Variants in SOX6 observed in about 807,000 individuals in gnomAD.
The protein encoded by SOX6 is transcription factor SOX-6.
Under a neutral mutation model 97.8 loss-of-function variants are expected in SOX6, and 11 were observed. The observed-to-expected ratio is 0.11, with a 90% CI of 0.07 to 0.19. The LOEUF (loss-of-function observed/expected upper bound fraction) is 0.19, where lower values mean the gene tolerates loss of function less well. Ranked by LOEUF, SOX6 falls within the 10% of genes least tolerant of loss-of-function variation. The pLI is 1.00. For synonymous variants in SOX6, 360 were observed against 371.4 expected (o/e 0.97, Z 0.35); for missense variants, 810 against 1,039.5 (o/e 0.78, Z 3.04).
intron 3 of SOX6, among the ~76,000 whole-genome samples, chr11:16,649,934 A>T (rs948411558): frequency 2.6e-5 from 4 of 152,146 alleles, no homozygotes; most frequent in African/African-American, 9.7e-5. Context: ...GTAAAGGGGT[A>T]AAAAAGGATA....
chr11:16,329,601 C>T (rs531473192), intron 2 of SOX6, among the ~76,000 whole-genome samples: 4 of 152,264 alleles, frequency 2.6e-5, no homozygotes, highest in Admixed American at 2.6e-4. Context: ...TTCTTTTCAC[C>T]TTAATTTCCT....
intron 4 of SOX6, among the ~76,000 whole-genome samples, chr11:16,521,473 C>A (rs144120790): frequency 0.034 from 5,122 of 152,162 alleles, 274 homozygotes; most frequent in African/African-American, 0.12. Flanking sequence ...CACCAAAAAC[C>A]CATCTGTACA....
intron 4 of SOX6, among the ~76,000 whole-genome samples, chr11:16,193,777 C>A (rs1179608669): frequency 6.6e-6 from 1 of 152,174 alleles, no homozygotes; most frequent in East Asian, 1.9e-4. Flanking sequence ...TCTTAAGAAT[C>A]AATTCCCTGG....
intron 12 of SOX6, among the ~76,000 whole-genome samples, chr11:16,035,379 T>A (rs1168465156): frequency 6.6e-6 from 1 of 152,192 alleles, no homozygotes; most frequent in Admixed American, 6.5e-5. Flanking sequence ...TAATAAAAAT[T>A]CCACTTCTTA....
intron 3 of SOX6, among the ~76,000 whole-genome samples, chr11:16,308,599 T>C (rs1855508483): frequency 6.6e-6 from 1 of 152,148 alleles, no homozygotes; most frequent in South Asian, 2.1e-4. Context: ...TATTTCAATA[T>C]AAATGGTTGG....
At chr11:16,707,965 T>C (rs1188974801) in intron 3 of SOX6, among the ~76,000 whole-genome samples, 3 of 152,150 alleles carry the variant, frequency 2.0e-5, no homozygotes, top group Non-Finnish European at 4.4e-5. Context: ...AGTCTCTGTC[T>C]ATAATATTCA....
intron 1 of SOX6, among the ~76,000 whole-genome samples, chr11:16,390,495 A>G (rs192736389): frequency 6.6e-6 from 1 of 152,326 alleles, no homozygotes; most frequent in East Asian, 1.9e-4. Context: ...CTACTCTCTG[A>G]TAATAAAGAT....
intron 7 of SOX6, among the ~76,000 whole-genome samples, chr11:16,110,796 T>G (rs1244213934): frequency 6.6e-6 from 1 of 152,216 alleles, no homozygotes; most frequent in Non-Finnish European, 1.5e-5. Flanking sequence ...TTTAATAAGC[T>G]TTCTTCTCCA....
chr11:16,394,621 A>C (rs901436104), intron 1 of SOX6, among the ~76,000 whole-genome samples: 3 of 151,894 alleles, frequency 2.0e-5, no homozygotes, highest in Non-Finnish European at 2.9e-5. Flanking sequence ...AGAAAAACAA[A>C]AGCGTCTACC....
At chr11:16,734,523 T>C (rs1412058699) in intron 2 of SOX6, among the ~76,000 whole-genome samples, 2 of 152,190 alleles carry the variant, frequency 1.3e-5, no homozygotes, top group South Asian at 2.1e-4. Context: ...CTTTTCCAAG[T>C]ATCTCTCTTC....
intron 2 of SOX6, among the ~76,000 whole-genome samples, chr11:16,733,665 G>A (rs1164841804): frequency 2.8e-5 from 4 of 145,116 alleles, no homozygotes; most frequent in East Asian, 2.1e-4. Flanking sequence ...ATCATGGCAC[G>A]TATATACCTA....
intron 1 of SOX6, among the ~76,000 whole-genome samples, chr11:16,393,624 T>C (rs1858254804): frequency 6.6e-6 from 1 of 152,066 alleles, no homozygotes; most frequent in Non-Finnish European, 1.5e-5. Context: ...TTCATTCTTT[T>C]AAGCCCACAC....
chr11:16,131,977 C>T lies in SOX6; in HGVS notation c.778-20054G>A, dbSNP rs527625673. Reference sequence around the variant, plus strand: ...ACTAAAAGTTACATATGGCTCTATACAACTTCCAGAATTCATCAAACACTT... The same window carrying T: ...ACTAAAAGTTACATATGGCTCTATATAACTTCCAGAATTCATCAAACACTT... On this transcript the variant is annotated intron_variant, in intron 6 of 15. Transcript: ENST00000683767. Among the ~76,000 whole-genome samples the T allele has an allele frequency of 3.8e-4, 58 of 151,904 alleles. 1 individual carries two copies. The highest frequency in any genetic ancestry group is 8.1e-4 in the Non-Finnish European group (55 of 67,902).
chr11:16,231,296 G>C (rs1852842637), intron 4 of SOX6, among the ~76,000 whole-genome samples: 1 of 151,596 alleles, frequency 6.6e-6, no homozygotes, highest in Non-Finnish European at 1.5e-5. Context: ...CTGAGAACTG[G>C]ACAAGTCTTT....
At chr11:16,292,820 A>G (rs1397911031) in intron 3 of SOX6, among the ~76,000 whole-genome samples, 2 of 152,170 alleles carry the variant, frequency 1.3e-5, no homozygotes, top group Non-Finnish European at 2.9e-5. Context: ...ACTGGTACAG[A>G]GAGGGAACCC....
At chr11:16,479,461 C>G (rs1338225863), upstream of SOX6, among the ~76,000 whole-genome samples, 1 of 149,954 alleles carries the variant, frequency 6.7e-6, no homozygotes, top group Non-Finnish European at 1.5e-5. Context: ...ACCTGGGAGG[C>G]GGAGGTTACA....
chr11:16,174,838 A>G (rs2134089208), intron 6 of SOX6, among the ~76,000 whole-genome samples: 1 of 152,168 alleles, frequency 6.6e-6, no homozygotes, highest in Non-Finnish European at 1.5e-5. Context: ...TTCATTTACC[A>G]TCCTTCTAAC....
intron 3 of SOX6, among the ~76,000 whole-genome samples, chr11:16,624,913 T>C (rs1319747956): frequency 6.6e-6 from 1 of 152,226 alleles, no homozygotes; most frequent in Non-Finnish European, 1.5e-5. Flanking sequence ...ACTATTTGTG[T>C]ATAATACTTT....
intron 3 of SOX6, among the ~76,000 whole-genome samples, chr11:16,283,439 T>C (rs1360684823): frequency 6.6e-6 from 1 of 151,728 alleles, no homozygotes; most frequent in African/African-American, 2.4e-5. Flanking sequence ...AAGAAAATTA[T>C]GTTCAAAAGG....
Sources: gnomAD v4.1 joint callset for allele counts (sites outside exome capture counted in the v4.1 genomes callset) on GRCh38, gnomAD v4.1.1 for gene constraint, MANE v1.5 for transcripts, NCBI Gene and HGNC (gene_info 2026-07-23, HGNC 2026-07-21) for gene names.